Variants in RDX observed in about 807,000 individuals in gnomAD.
RDX encodes radixin.
In RDX, 32 loss-of-function variants were observed where a neutral mutation model predicts 83.7. The observed-to-expected ratio is 0.38, with a 90% CI of 0.29 to 0.51. The LOEUF is 0.51. RDX is among the 20% of genes least tolerant of loss of function. The probability of loss-of-function intolerance (pLI) is 0.87; values close to 1 mark genes in which losing one functional copy is unlikely to be tolerated. For missense variants in RDX, 600 were observed against 689.9 expected (o/e 0.87, Z 1.46); for synonymous variants, 229 against 222.7 (o/e 1.03, Z -0.25).
chr11:110,190,463 T>TAAATAAATATAAATATAAATAA (rs1863082199), intron 15 of RDX, among the ~76,000 whole-genome samples: 1 of 152,030 alleles, frequency 6.6e-6, no homozygotes, highest in Non-Finnish European at 1.5e-5. Context: ...CTTAAATAAA[T>TAAATAAATATAAATATAAATAA]AAATAAATAT....
At chr11:110,224,553 T>G (rs1183687304), downstream of RDX, among the ~76,000 whole-genome samples, 1 of 152,186 alleles carries the variant, frequency 6.6e-6, no homozygotes, top group Non-Finnish European at 1.5e-5. Context: ...GACTTGGAAT[T>G]AGAACCCAGA....
In RDX at chr11:110,248,138, T is replaced by C. The variant is rs143188913; in HGVS notation, c.960-305A>G. Among the ~76,000 whole-genome samples, 28 of 152,216 alleles carry C rather than the reference T, an allele frequency of 1.8e-4. 2 individuals carry two copies. In the East Asian group the frequency reaches 5.4e-3, roughly 29 times the overall value. ...GACCACATATTGGGTATAGTGTACA[T>C]TGCTCGAGTGACAGGTGCACTAAAA... On this transcript the variant is annotated intron_variant, in intron 9 of 13. Coordinates refer to ENST00000645495, the MANE Select transcript of RDX (RefSeq NM_002906.4).
chr11:110,197,963 A>G (rs777330318), intron 15 of RDX, among the ~76,000 whole-genome samples: 1 of 152,190 alleles, frequency 6.6e-6, no homozygotes, highest in African/African-American at 2.4e-5. Flanking sequence ...ATCAGAGAGA[A>G]TCTTGCACGA....
chr11:110,234,343 C>T (rs1031027187), intron 12 of RDX, among the ~76,000 whole-genome samples: 4 of 152,152 alleles, frequency 2.6e-5, no homozygotes, highest in Admixed American at 1.3e-4. Flanking sequence ...TTAAAAGAGA[C>T]TTACAGCAAA....
chr11:110,272,497 T>C (rs770629836), intron 3 of RDX, 39 bp downstream of exon 3: 1 of 1,262,222 alleles, frequency 7.9e-7, no homozygotes, highest in East Asian at 2.3e-5. Flanking sequence ...ACATTCACAC[T>C]ATGGTGTCAA....
chr11:110,213,091 T>G (rs1015540043), intron 14 of RDX, among the ~76,000 whole-genome samples: 4 of 151,848 alleles, frequency 2.6e-5, no homozygotes, highest in Admixed American at 6.6e-5. Context: ...AAAACCCCAT[T>G]GTCTCAGCCC....
intron 14 of RDX, among the ~76,000 whole-genome samples, chr11:110,203,416 A>T (rs1288370755): frequency 4.1e-5 from 2 of 49,178 alleles, no homozygotes; most frequent in African/African-American, 1.8e-4. Context: ...TAATGGGTAA[A>T]AAAAAAAAAA....
At chr11:110,181,259 T>C (rs1308170038) in intron 15 of RDX, among the ~76,000 whole-genome samples, 1 of 151,208 alleles carries the variant, frequency 6.6e-6, no homozygotes, top group Non-Finnish European at 1.5e-5. Context: ...GCCTCCCGGG[T>C]TGAAACAATT....
At chr11:110,269,380 GAGA>G (rs1860200023) in intron 3 of RDX, among the ~76,000 whole-genome samples, 1 of 152,138 alleles carries the variant, frequency 6.6e-6, no homozygotes, top group African/African-American at 2.4e-5. Context: ...GCAGCTAAAG[GAGA>G]AGGCTAGTCA....
chr11:110,269,926 C>CG (rs1198255458), intron 3 of RDX, among the ~76,000 whole-genome samples: 8 of 152,154 alleles, frequency 5.3e-5, no homozygotes, highest in Admixed American at 5.2e-4. Context: ...CTTGTGGTCC[C>CG]AGCTACTCAA....
rs876657572 is a variant in RDX at position 110,237,662 on chromosome 11, A to G, written c.1091-10T>C. Reference sequence around the variant, plus strand: ...GTCTGTTCTTCTAGTTCTATGAAATATGTGTATTCCCCCCAACAGTGATTA... The same window carrying G: ...GTCTGTTCTTCTAGTTCTATGAAATGTGTGTATTCCCCCCAACAGTGATTA... On this transcript the variant is annotated splice_polypyrimidine_tract_variant and intron_variant, in intron 10 of 13. Coordinates refer to ENST00000645495, the MANE Select transcript of RDX (RefSeq NM_002906.4). 1.2e-6 allele frequency: 2 copies of G among 1,613,630 alleles called. No homozygotes were observed. Among genetic ancestry groups the G allele is most frequent in the Non-Finnish European group, 1.7e-6 (2 of 1,179,534 alleles).
At chr11:110,272,014 CTATGTGTA>C (rs1860328467) in intron 3 of RDX, among the ~76,000 whole-genome samples, 1 of 152,194 alleles carries the variant, frequency 6.6e-6, no homozygotes, top group Non-Finnish European at 1.5e-5. Flanking sequence ...TACCTTCAGC[CTATGTGTA>C]TAAGTTGTAC....
intron 15 of RDX, among the ~76,000 whole-genome samples, chr11:110,189,020 T>C (rs913465499): frequency 1.3e-5 from 2 of 151,864 alleles, no homozygotes; most frequent in Admixed American, 6.6e-5. Flanking sequence ...TGAATGTCAA[T>C]GTTCTGAATG....
chr11:110,240,273 A>AAATAAACC (rs1865030590), intron 10 of RDX, among the ~76,000 whole-genome samples: 1 of 152,214 alleles, frequency 6.6e-6, no homozygotes, highest in Non-Finnish European at 1.5e-5. Flanking sequence ...ACGTTAAGTG[A>AAATAAACC]AATAAACCAA....
At chr11:110,248,329 ATTG>A (rs1292431141) in intron 9 of RDX, among the ~76,000 whole-genome samples, 3 of 152,328 alleles carry the variant, frequency 2.0e-5, no homozygotes, top group African/African-American at 7.2e-5. Context: ...CAGGGTTTTC[ATTG>A]TATTACACTT....
At chr11:110,188,465 G>A (rs974535204) in intron 15 of RDX, among the ~76,000 whole-genome samples, 2 of 152,014 alleles carry the variant, frequency 1.3e-5, no homozygotes, top group African/African-American at 4.8e-5. Context: ...CTATGAGGAC[G>A]CAAAGGCATA....
chr11:110,205,443 A>G (rs1399679571), intron 14 of RDX, among the ~76,000 whole-genome samples: 1 of 149,958 alleles, frequency 6.7e-6, no homozygotes, highest in African/African-American at 2.4e-5. Context: ...AAAAAAAAAA[A>G]AAAAAAAAAC....
intron 14 of RDX, among the ~76,000 whole-genome samples, chr11:110,216,637 C>G (rs1222077502): frequency 6.6e-6 from 1 of 151,706 alleles, no homozygotes. Context: ...CTCAGCCTCC[C>G]AAAGTGCTGG....
rs35450797 is a variant in RDX at position 110,189,243 on chromosome 11, T to TAAAAAAAAAAAAAAAAAAAAAAAAAAAAA, written c.*31+10337_*31+10338insTTTTTTTTTTTTTTTTTTTTTTTTTTTTT. Among the ~76,000 whole-genome samples, 62 of 35,596 alleles carry TAAAAAAAAAAAAAAAAAAAAAAAAAAAAA rather than the reference T, an allele frequency of 1.7e-3. 2 individuals carry two copies. The highest frequency in any genetic ancestry group is 2.4e-3 in the Non-Finnish European group (38 of 15,752). The allele number at this position is 35,596 out of a possible 152,430, so 23.4% of individuals were successfully genotyped here. On this transcript the variant is annotated intron_variant, in intron 15 of 15. Transcript: ENST00000528498. ...AAACAAACTTTAAATGAACAACAGG[T>TAAAAAAAAAAAAAAAAAAAAAAAAAAAAA]AAAAAAAAAAAAAAAAAAAAAAAAA... is the stretch of plus-strand genomic sequence containing the variant.
Sources: allele counts gnomAD v4.1 joint callset (sites outside exome capture counted in the v4.1 genomes callset), GRCh38; gene constraint gnomAD v4.1.1; transcripts MANE v1.5; gene names NCBI Gene and HGNC (gene_info 2026-07-23, HGNC 2026-07-21).